Variants in USP12 observed in about 807,000 individuals in gnomAD.
USP12 encodes the protein ubiquitin specific peptidase 12.
In USP12, 19 loss-of-function variants were observed where a neutral mutation model predicts 45.5. That is an observed-to-expected ratio of 0.42 (90% CI 0.29 to 0.61). The LOEUF (loss-of-function observed/expected upper bound fraction) is 0.61, where lower values mean the gene tolerates loss of function less well. Among genes scored for constraint, USP12 ranks in the 20% least tolerant of loss-of-function variants. The probability of loss-of-function intolerance (pLI) is 0.22; values close to 1 mark genes in which losing one functional copy is unlikely to be tolerated. For missense variants in USP12, 242 were observed against 447.7 expected (o/e 0.54, Z 4.15); for synonymous variants, 149 against 148.8 (o/e 1.00, Z -0.01).
intron 4 of USP12, among the ~76,000 whole-genome samples, chr13:27,092,954 T>C (rs1379371888): frequency 6.6e-6 from 1 of 152,166 alleles, no homozygotes; most frequent in Non-Finnish European, 1.5e-5. Context: ...TCCAGCACTT[T>C]AGGAGGCCAA....
At chr13:27,095,537 C>T in intron 4 of USP12, 64 bp downstream of exon 4, 1 of 1,207,014 alleles carries the variant, frequency 8.3e-7, no homozygotes, top group Non-Finnish European at 1.1e-6. Context: ...CTGTCTTTCT[C>T]AAAGAACAAC....
At chr13:27,122,966 C>T (rs576423269) in intron 1 of USP12, among the ~76,000 whole-genome samples, 119 of 152,062 alleles carry the variant, frequency 7.8e-4, no homozygotes, top group African/African-American at 2.5e-3. Flanking sequence ...TGGTGGCAGG[C>T]GCCTAGTCCC....
chr13:27,099,949 G>A (rs994801094), intron 3 of USP12, among the ~76,000 whole-genome samples: 2 of 152,288 alleles, frequency 1.3e-5, no homozygotes. Context: ...GGTACACTGT[G>A]TGTGGGTTTT....
chr13:27,103,852 A>G (rs998940400), intron 3 of USP12, among the ~76,000 whole-genome samples: 4 of 152,040 alleles, frequency 2.6e-5, no homozygotes, highest in African/African-American at 9.7e-5. Flanking sequence ...CCCAGGTTTG[A>G]CAAACAAACA....
chr13:27,088,402 G>A (rs954385541), intron 6 of USP12, among the ~76,000 whole-genome samples: 5 of 133,960 alleles, frequency 3.7e-5, no homozygotes, highest in South Asian at 2.6e-4. Flanking sequence ...GGGCGACAGA[G>A]CGAGACTCCG....
chr13:27,122,395 G>A (rs1352416575), intron 1 of USP12, among the ~76,000 whole-genome samples: 1 of 152,156 alleles, frequency 6.6e-6, no homozygotes, highest in Non-Finnish European at 1.5e-5. Flanking sequence ...CAGCCATGTG[G>A]AACTGTAAGT....
At chr13:27,128,965 G>T (rs1189396484) in intron 1 of USP12, among the ~76,000 whole-genome samples, 1 of 152,118 alleles carries the variant, frequency 6.6e-6, no homozygotes, top group Non-Finnish European at 1.5e-5. Flanking sequence ...TTACATTATG[G>T]ACTGACTTAG....
chr13:27,160,889 C>T (rs1878075266), intron 1 of USP12, among the ~76,000 whole-genome samples: 1 of 151,810 alleles, frequency 6.6e-6, no homozygotes, highest in African/African-American at 2.4e-5. Flanking sequence ...CACAGCTCAA[C>T]CCATCTCCCC....
chr13:27,094,779 A>AG (rs1874491488), intron 4 of USP12, among the ~76,000 whole-genome samples: 1 of 152,154 alleles, frequency 6.6e-6, no homozygotes. Context: ...TTCAGGTTAA[A>AG]GAAGGCTAAA....
At chr13:27,086,181 A>ATATATAT (rs1565984501) in intron 6 of USP12, among the ~76,000 whole-genome samples, 1 of 29,442 alleles carries the variant, frequency 3.4e-5, no homozygotes, top group African/African-American at 1.2e-4. Context: ...CTTTAAAAAA[A>ATATATAT]AAAAAAAAAA....
intron 7 of USP12, among the ~76,000 whole-genome samples, chr13:27,074,137 A>G (rs898733125): frequency 3.3e-5 from 5 of 152,174 alleles, no homozygotes; most frequent in African/African-American, 1.2e-4. Flanking sequence ...GCGGTGGCTC[A>G]CGCGTGTAAT....
chr13:27,159,712 C>G (rs898945151), intron 1 of USP12, among the ~76,000 whole-genome samples: 2 of 152,130 alleles, frequency 1.3e-5, no homozygotes, highest in Admixed American at 6.5e-5. Flanking sequence ...ATAGCATCAC[C>G]AAGTAGCCAC....
chr13:27,160,825 T>C (rs1379395945), intron 1 of USP12, among the ~76,000 whole-genome samples: 1 of 151,798 alleles, frequency 6.6e-6, no homozygotes, highest in African/African-American at 2.4e-5. Flanking sequence ...ACAGGGTACA[T>C]GTGCAGGATG....
At chr13:27,116,304 G>A (rs1296207307) in intron 2 of USP12, among the ~76,000 whole-genome samples, 2 of 118,650 alleles carry the variant, frequency 1.7e-5, no homozygotes, top group South Asian at 5.0e-4. Flanking sequence ...AGAGCAAGAC[G>A]CTGTCTCAAA....
rs370563244 is a variant in USP12, at chr13:27,156,254, GCCTCT to G, written c.48+15333_48+15337del. Among the ~76,000 whole-genome samples the G allele has an allele frequency of 5.3e-3, 799 of 150,824 alleles. 8 individuals are homozygous for G. The highest frequency in any genetic ancestry group is 0.019 in the African/African-American group (765 of 41,158). ...AAAAAAATCAAGGAATCTGGTTCAG[GCCTCT>G]TAATCTACCAGATTACAGAAAACAC... is the stretch of plus-strand genomic sequence containing the variant. On this transcript the variant is annotated intron_variant, in intron 1 of 8. Transcript: ENST00000282344.
intron 2 of USP12, among the ~76,000 whole-genome samples, chr13:27,115,596 T>C (rs2137796695): frequency 6.6e-6 from 1 of 152,272 alleles, no homozygotes. Flanking sequence ...CAGTATAAAA[T>C]AAACTACCAC....
At chr13:27,112,973 CCTGT>C (rs1875528612) in intron 2 of USP12, among the ~76,000 whole-genome samples, 2 of 152,202 alleles carry the variant, frequency 1.3e-5, no homozygotes, top group African/African-American at 4.8e-5. Context: ...ATGGCTCATG[CCTGT>C]AATCCCAGCA....
chr13:27,069,209 A>T lies in USP12; in HGVS notation c.*74T>A, dbSNP rs1424750292. Reference sequence around the variant, plus strand: ...TCCTGCATTTCTCTTTTCTTGAAAAATCAGTGCTTGATCCTTTCCAAAATA... The same window carrying T: ...TCCTGCATTTCTCTTTTCTTGAAAATTCAGTGCTTGATCCTTTCCAAAATA... On this transcript the variant is annotated 3_prime_UTR_variant, in exon 9 of 9. Transcript: ENST00000282344. 1.1e-5 allele frequency: 14 copies of T among 1,310,254 alleles called. No individual in the cohort carries two copies. Among genetic ancestry groups the T allele is most frequent in the Non-Finnish European group, 1.3e-5 (12 of 913,952 alleles). The allele number at this position is 1,310,254 out of a possible 1,614,324, so 81.2% of individuals were successfully genotyped here. A position where few individuals can be genotyped will look rare whatever the true frequency, so the allele number is the denominator to read the frequency against.
chr13:27,157,687 C>T (rs1877904291), intron 1 of USP12, among the ~76,000 whole-genome samples: 1 of 152,112 alleles, frequency 6.6e-6, no homozygotes. Flanking sequence ...TAATTCACTT[C>T]TCACTTCCTC....
Sources: allele counts gnomAD v4.1 joint callset (sites outside exome capture counted in the v4.1 genomes callset), GRCh38; gene constraint gnomAD v4.1.1; transcripts MANE v1.5; gene names NCBI Gene and HGNC (gene_info 2026-07-23, HGNC 2026-07-21).